Variants in RALGAPA1 observed in about 807,000 individuals in gnomAD.
RALGAPA1 encodes the protein ral GTPase-activating protein subunit alpha-1.
In RALGAPA1, 52 loss-of-function variants were observed where a neutral mutation model predicts 269.6. The ratio of observed to expected loss-of-function variants is 0.19; its 90% CI spans 0.15 to 0.24. RALGAPA1 has a LOEUF of 0.24. RALGAPA1 is among the 10% of genes least tolerant of loss of function. The probability of loss-of-function intolerance (pLI) is 1.00; values close to 1 mark genes in which losing one functional copy is unlikely to be tolerated. For missense variants in RALGAPA1, 1,917 were observed against 3,013.9 expected (o/e 0.64, Z 8.52); for synonymous variants, 817 against 1,008.3 (o/e 0.81, Z 3.60).
chr14:35,791,234 C>T (rs962597773), intron 1 of RALGAPA1, among the ~76,000 whole-genome samples: 2 of 152,116 alleles, frequency 1.3e-5, no homozygotes, highest in African/African-American at 2.4e-5. Flanking sequence ...TATTAGAGCA[C>T]GGATACAAGG....
chr14:35,686,565 G>T lies in RALGAPA1; in HGVS notation c.4054C>A (p.Arg1352=). 1 of 1,604,930 alleles carries T rather than the reference G, an allele frequency of 6.2e-7. No homozygotes were observed. The highest frequency in any genetic ancestry group is 8.5e-7 in the Non-Finnish European group (1 of 1,177,212). The change falls in exon 19 of 42, where the codon CGA becomes AGA. Residue 1352 remains arginine (R), a synonymous_variant. Coordinates refer to ENST00000680220, the MANE Select transcript of RALGAPA1 (RefSeq NM_001346249.2). ...PDLMDEFIAE[R]LRSGNASTMT... ...ACCGAGGCATTACCACTTCGAAGTC[G>T]TTCTGCTATAAACTCATCCATCAGA... is the stretch of plus-strand genomic sequence containing the variant.
At chr14:35,778,298 A>T (rs1595524468) in intron 1 of RALGAPA1, among the ~76,000 whole-genome samples, 1 of 152,220 alleles carries the variant, frequency 6.6e-6, no homozygotes, top group Non-Finnish European at 1.5e-5. Context: ...CAATCCTCCT[A>T]CCTTGGTCTC....
intron 16 of RALGAPA1, among the ~76,000 whole-genome samples, chr14:35,715,387 T>C (rs374046260): frequency 2.0e-4 from 31 of 152,326 alleles, no homozygotes; most frequent in Middle Eastern, 3.4e-3. Flanking sequence ...TTCTATTTGA[T>C]TCTTTTTAAT....
intron 38 of RALGAPA1, among the ~76,000 whole-genome samples, chr14:35,571,694 C>T (rs944394684): frequency 2.0e-5 from 3 of 151,866 alleles, no homozygotes; most frequent in African/African-American, 7.3e-5. Context: ...AAACCAAAAA[C>T]CAAAACAAAA....
chr14:35,565,667 C>T (rs904873317), intron 39 of RALGAPA1, among the ~76,000 whole-genome samples: 11 of 152,206 alleles, frequency 7.2e-5, no homozygotes, highest in South Asian at 4.1e-4. Flanking sequence ...TTTATATATA[C>T]ATCCTATTGG....
Position 35,801,282 on chromosome 14 carries a change from C to T in RALGAPA1, c.106+7448G>A, listed in dbSNP as rs574640316. 4.1e-3 allele frequency among the ~76,000 whole-genome samples: 591 copies of T among 143,202 alleles called. 4 individuals are homozygous for T. Among genetic ancestry groups the T allele is most frequent in the African/African-American group, 0.016 (574 of 35,062 alleles). The allele number at this position is 143,202 out of a possible 152,430, so 93.9% of individuals were successfully genotyped here. A position where few individuals can be genotyped will look rare whatever the true frequency, so the allele number is the denominator to read the frequency against. ...ACACACACACACACACACACACACA[C>T]ATTTGAGATAGAGTCTCGCTCTGTT... On this transcript the variant is annotated intron_variant, in intron 1 of 41. Coordinates refer to ENST00000680220, the MANE Select transcript of RALGAPA1 (RefSeq NM_001346249.2).
At chr14:35,648,240 T>A (rs1423028011) in intron 31 of RALGAPA1, among the ~76,000 whole-genome samples, 1 of 151,396 alleles carries the variant, frequency 6.6e-6, no homozygotes, top group Non-Finnish European at 1.5e-5. Context: ...GAGGTTGCAA[T>A]GAGCCGAGAT....
At position 35,750,563 on chromosome 14, in the gene RALGAPA1, A is replaced by C. The variant is rs1462323258; in HGVS notation, c.930T>G (p.Val310=). Residue 310 remains valine, a synonymous_variant, in exon 9 of 42, where the codon GTT becomes GTG. Coordinates refer to ENST00000680220, the MANE Select transcript of RALGAPA1 (RefSeq NM_001346249.2). ...KARVIVIRWL[V]SFWLEPKPHT... ...GTGGTTTTGGCTCCAGCCAGAAAGAAACCAGCCAACGAATGACAATAACAC... is the reference window on the plus strand; with the variant it reads ...GTGGTTTTGGCTCCAGCCAGAAAGACACCAGCCAACGAATGACAATAACAC... 4.3e-6 allele frequency: 7 copies of C among 1,613,090 alleles called. No individual in the cohort carries two copies. In the South Asian group the frequency reaches 7.7e-5, roughly 18 times the overall value.
intron 31 of RALGAPA1, among the ~76,000 whole-genome samples, chr14:35,649,557 T>C (rs1389274929): frequency 6.6e-6 from 1 of 152,156 alleles, no homozygotes; most frequent in Non-Finnish European, 1.5e-5. Flanking sequence ...TAGTTGTTTC[T>C]CCAAAACAAA....
At chr14:35,595,890 G>A (rs1200415373) in intron 36 of RALGAPA1, 101 bp from the exon 37 acceptor site, 2 of 866,512 alleles carry the variant, frequency 2.3e-6, no homozygotes, top group Non-Finnish European at 3.5e-6. Flanking sequence ...TGGGAACAAA[G>A]TCTTTTGCAT....
intron 12 of RALGAPA1, among the ~76,000 whole-genome samples, chr14:35,729,800 A>C (rs1266167284): frequency 6.6e-6 from 1 of 152,192 alleles, no homozygotes; most frequent in African/African-American, 2.4e-5. Flanking sequence ...CCCAGCCCCA[A>C]ACTTTTGCAG....
chr14:35,633,847 C>T (rs994504163), intron 33 of RALGAPA1, among the ~76,000 whole-genome samples: 2 of 152,012 alleles, frequency 1.3e-5, no homozygotes, highest in African/African-American at 4.8e-5. Flanking sequence ...GCTTCTATTA[C>T]ATCTTTCTCT....
chr14:35,688,813 T>A lies in RALGAPA1; in HGVS notation c.3598A>T (p.Thr1200Ser). ...NSSTSNTHTS[T>S]NSATELVKPG... ...TTTACTAGCTCTGTAGCACTATTTG[T>A]GCTGGTATGGGTGTTGCTAGTGCTG... is the stretch of plus-strand genomic sequence containing the variant. The change falls in exon 18 of 42, where the codon ACA (threonine) becomes TCA (serine). Residue 1200 changes from threonine to serine, a missense_variant. By Grantham distance (58) the Thr-to-Ser change is moderately conservative. This residue lies in a region of RALGAPA1 where 615 missense variants were observed against 790.0 expected (regional missense o/e 0.78). Coordinates refer to ENST00000680220, the MANE Select transcript of RALGAPA1 (RefSeq NM_001346249.2). 2 of 1,391,580 alleles carry A rather than the reference T, an allele frequency of 1.4e-6. No individual in the cohort carries two copies. Among genetic ancestry groups the A allele is most frequent in the Non-Finnish European group, 1.9e-6 (2 of 1,076,614 alleles). The allele number at this position is 1,391,580 out of a possible 1,614,324, so 86.2% of individuals were successfully genotyped here. A position where few individuals can be genotyped will look rare whatever the true frequency, so the allele number is the denominator to read the frequency against.
intron 39 of RALGAPA1, among the ~76,000 whole-genome samples, chr14:35,551,975 C>T (rs2055056219): frequency 6.6e-6 from 1 of 152,154 alleles, no homozygotes. Flanking sequence ...GAAAAAACTA[C>T]AGTGCTCATC....
At chr14:35,716,218 AC>A (rs931430102) in intron 16 of RALGAPA1, 1 of 264,678 alleles carries the variant, frequency 3.8e-6, no homozygotes, top group African/African-American at 2.3e-5. Flanking sequence ...ACATGGTGAA[AC>A]CCCTTCTCAC....
At chr14:35,560,141 C>T (rs540075691) in intron 39 of RALGAPA1, among the ~76,000 whole-genome samples, 46 of 152,324 alleles carry the variant, frequency 3.0e-4, no homozygotes, top group African/African-American at 1.1e-3. Flanking sequence ...AATTGTTTCG[C>T]TAGTCAACGG....
chr14:35,732,763 T>C (rs1041408099), intron 12 of RALGAPA1, among the ~76,000 whole-genome samples: 1 of 152,172 alleles, frequency 6.6e-6, no homozygotes, highest in Admixed American at 6.5e-5. Flanking sequence ...CAATTATTAA[T>C]AGACCTAAGA....
At chr14:35,794,228 A>G (rs2076394696) in intron 1 of RALGAPA1, among the ~76,000 whole-genome samples, 1 of 152,074 alleles carries the variant, frequency 6.6e-6, no homozygotes, top group Non-Finnish European at 1.5e-5. Context: ...TAATCCCAGC[A>G]CTTTGGGAGG....
intron 34 of RALGAPA1, 41 bp downstream of exon 34, chr14:35,627,048 CG>C: frequency 3.7e-6 from 2 of 545,304 alleles, no homozygotes; most frequent in South Asian, 2.7e-5. Flanking sequence ...TGAATAAGAC[CG>C]AAAAAAAAAA....
Sources: allele counts gnomAD v4.1 joint callset (sites outside exome capture counted in the v4.1 genomes callset), GRCh38; gene constraint gnomAD v4.1.1; regional missense constraint gnomAD v4.1.1; transcripts MANE v1.5; gene names NCBI Gene and HGNC (gene_info 2026-07-23, HGNC 2026-07-21).